KHDRBS2: variants seen among roughly 807,000 people sequenced by gnomAD.
KHDRBS2 encodes the protein KH RNA binding domain containing, signal transduction associated 2, also known as KH domain-containing, RNA-binding, signal transduction-associated protein 2.
A neutral mutation model predicts 44.3 loss-of-function variants in KHDRBS2; 26 were observed. The observed-to-expected ratio is 0.59, with a 90% CI of 0.43 to 0.81. The LOEUF (loss-of-function observed/expected upper bound fraction) is 0.81. KHDRBS2 is among the 40% of genes least tolerant of loss of function. The probability of loss-of-function intolerance (pLI) is 0.00; values close to 1 mark genes in which losing one functional copy is unlikely to be tolerated. For missense variants in KHDRBS2, 476 were observed against 433.1 expected, an observed-to-expected ratio of 1.10 and a Z score of -0.88; for synonymous variants, 194 against 151.1, an observed-to-expected ratio of 1.28 and a Z score of -2.08.
chr6:61,724,714 A>G (rs1344156217), intron 7 of KHDRBS2, among the ~76,000 whole-genome samples: 1 of 152,128 alleles, frequency 6.6e-6, no homozygotes, highest in African/African-American at 2.4e-5. Context: ...GGACAAAGAA[A>G]GGCAATACAT....
chr6:61,895,177 C>A (rs1242205626), intron 5 of KHDRBS2, among the ~76,000 whole-genome samples: 1 of 150,200 alleles, frequency 6.7e-6, no homozygotes, highest in East Asian at 1.9e-4. Flanking sequence ...CCATTAAATT[C>A]CAAATTCTCG....
intron 5 of KHDRBS2, among the ~76,000 whole-genome samples, chr6:61,899,011 A>ATGT (rs547282894): frequency 1.3e-3 from 191 of 152,056 alleles, no homozygotes; most frequent in African/African-American, 4.4e-3. Context: ...AAACTAACAT[A>ATGT]AAATGTTCAT....
the KHDRBS2 span, among the ~76,000 whole-genome samples, chr6:61,601,312 T>C: frequency 6.6e-6 from 1 of 152,028 alleles, no homozygotes; most frequent in African/African-American, 2.4e-5. Flanking sequence ...CTTGCCTCCT[T>C]CACTGTAGGC....
intron 6 of KHDRBS2, among the ~76,000 whole-genome samples, chr6:61,770,596 A>G (rs1459734010): frequency 6.6e-6 from 1 of 152,198 alleles, no homozygotes. Context: ...GTGATGGAAG[A>G]CGAAATGAAT....
intron 1 of KHDRBS2, among the ~76,000 whole-genome samples, chr6:62,221,698 T>G (rs1470704592): frequency 6.6e-6 from 1 of 152,174 alleles, no homozygotes; most frequent in African/African-American, 2.4e-5. Context: ...CCACCATCAC[T>G]GTTGTAGTCA....
intron 4 of KHDRBS2, among the ~76,000 whole-genome samples, chr6:61,923,696 A>G (rs1056384502): frequency 3.3e-5 from 5 of 152,174 alleles, no homozygotes; most frequent in African/African-American, 1.2e-4. Flanking sequence ...AACAGTCATT[A>G]TGAAAAACCA....
At chr6:61,596,250 A>T in the KHDRBS2 span, among the ~76,000 whole-genome samples, 1 of 152,232 alleles carries the variant, frequency 6.6e-6, no homozygotes, top group Non-Finnish European at 1.5e-5. Flanking sequence ...CAAATATAAA[A>T]AAATTACAGA....
At chr6:62,258,314 T>C (rs992548830) in intron 1 of KHDRBS2, among the ~76,000 whole-genome samples, 3 of 152,158 alleles carry the variant, frequency 2.0e-5, no homozygotes, top group East Asian at 1.9e-4. Flanking sequence ...CTGCTTGTTG[T>C]TGCCGTGGTT....
intron 2 of KHDRBS2, among the ~76,000 whole-genome samples, chr6:62,109,229 G>T (rs1370366466): frequency 1.3e-5 from 2 of 151,878 alleles, no homozygotes; most frequent in Non-Finnish European, 2.9e-5. Context: ...CTAAACAAGA[G>T]AAACCATATG....
At chr6:62,036,344 T>C (rs1375016967) in intron 3 of KHDRBS2, among the ~76,000 whole-genome samples, 1 of 151,972 alleles carries the variant, frequency 6.6e-6, no homozygotes, top group Non-Finnish European at 1.5e-5. Context: ...AATTTTACAA[T>C]ATTTAAAGTA....
the KHDRBS2 span, among the ~76,000 whole-genome samples, chr6:61,596,169 C>A: frequency 0.17 from 26,027 of 152,020 alleles, 2,450 homozygotes; most frequent in East Asian, 0.29. Flanking sequence ...AAGCTCACAG[C>A]AAGATGTGTG....
the KHDRBS2 span, among the ~76,000 whole-genome samples, chr6:61,560,623 A>G: frequency 6.6e-6 from 1 of 152,090 alleles, no homozygotes; most frequent in Non-Finnish European, 1.5e-5. Context: ...CAGTATTCCA[A>G]TTGCATTTTT....
chr6:61,712,625 C>T (rs551767640), intron 7 of KHDRBS2, among the ~76,000 whole-genome samples: 1 of 151,938 alleles, frequency 6.6e-6, no homozygotes, highest in African/African-American at 2.4e-5. Context: ...GCTATAAAGT[C>T]CTGAACATGG....
chr6:62,010,913 T>A (rs946461403), intron 3 of KHDRBS2, among the ~76,000 whole-genome samples: 1 of 152,128 alleles, frequency 6.6e-6, no homozygotes, highest in Non-Finnish European at 1.5e-5. Context: ...CAAATAAAAT[T>A]AGGGCCCAAA....
In KHDRBS2 at chr6:61,697,231, C is replaced by T. The variant is rs377093981; in HGVS notation, c.916G>A (p.Gly306Ser). Residue 306 changes from glycine (G) to serine (S), a missense_variant, in exon 8 of 9, where the codon GGT becomes AGT. Gly to Ser is a moderately conservative substitution (Grantham distance 56). Transcript: ENST00000281156. The stretch of plus-strand genomic sequence containing the variant: ...TAGGCATCCTCACTTACTCCATGAC[C>T]GTAGTCATAGTATTCAGGCACACTG... ...TQSVPEYYDY[G>S]HGVSEDAYDS... is the part of the protein sequence containing the mutation. The T allele has an allele frequency of 5.6e-5, 90 of 1,609,268 alleles. No individual in the cohort carries two copies. In the South Asian group the frequency reaches 7.1e-4, roughly 13 times the overall value.
At chr6:61,660,149 A>T in the KHDRBS2 span, among the ~76,000 whole-genome samples, 1 of 151,878 alleles carries the variant, frequency 6.6e-6, no homozygotes, top group African/African-American at 2.4e-5. Context: ...ACGTATGGTC[A>T]CTTTATACAC....
chr6:61,587,362 T>TA, the KHDRBS2 span, among the ~76,000 whole-genome samples: 478 of 114,106 alleles, frequency 4.2e-3, no homozygotes, highest in Non-Finnish European at 7.0e-3. Flanking sequence ...AGCTTTTTTT[T>TA]ATCTCTCTCT....
At chr6:61,954,987 T>TTC (rs1766189428) in intron 4 of KHDRBS2, among the ~76,000 whole-genome samples, 1 of 95,054 alleles carries the variant, frequency 1.1e-5, no homozygotes, top group Admixed American at 1.1e-4. Flanking sequence ...TGTATGTGTA[T>TTC]ACATATATAG....
intron 3 of KHDRBS2, among the ~76,000 whole-genome samples, chr6:62,034,812 A>T (rs901613769): frequency 1.3e-5 from 2 of 151,892 alleles, no homozygotes; most frequent in Non-Finnish European, 2.9e-5. Context: ...TAATCTGATT[A>T]AAAATGTCCA....
Sources: gnomAD v4.1 joint callset for allele counts (sites outside exome capture counted in the v4.1 genomes callset) on GRCh38, gnomAD v4.1.1 for gene constraint, MANE v1.5 for transcripts, NCBI Gene and HGNC (gene_info 2026-07-23, HGNC 2026-07-21) for gene names.